Variants in COL4A6 observed in about 807,000 individuals in gnomAD.
The protein encoded by COL4A6 is collagen alpha-6(IV) chain.
COL4A6 carries 59 observed loss-of-function variants against 126.7 expected under a neutral mutation model. That is an observed-to-expected ratio of 0.47 (90% CI 0.38 to 0.58). The LOEUF (loss-of-function observed/expected upper bound fraction) is 0.58. COL4A6 is among the 20% of genes least tolerant of loss of function. COL4A6 has a pLI of 0.00. For missense variants in COL4A6, 1,285 were observed against 1,337.3 expected, an observed-to-expected ratio of 0.96 and a Z score of 0.61; for synonymous variants, 547 against 496.6, an observed-to-expected ratio of 1.10 and a Z score of -1.35.
chrX:108,239,081 C>T (rs2036510660), intron 3 of COL4A6, among the ~76,000 whole-genome samples: 3 of 111,951 alleles, frequency 2.7e-5, no homozygotes, highest in African/African-American at 9.7e-5. Flanking sequence ...ACCAGAGTTC[C>T]TTGGACATTG....
chrX:108,351,985 G>A (rs1020345095), intron 2 of COL4A6, among the ~76,000 whole-genome samples: 4 of 112,169 alleles, frequency 3.6e-5, no homozygotes, highest in African/African-American at 1.3e-4. Context: ...CAAATTGTCT[G>A]GGTAATTGCC....
intron 2 of COL4A6, among the ~76,000 whole-genome samples, chrX:108,339,164 C>T (rs1234138498): frequency 8.9e-6 from 1 of 112,540 alleles, no homozygotes; most frequent in Admixed American, 9.3e-5. Context: ...GGCTACAAAG[C>T]AGCTCAGAAA....
At chrX:108,269,373 T>G (rs1796008402) in intron 3 of COL4A6, among the ~76,000 whole-genome samples, 1 of 111,255 alleles carries the variant, frequency 9.0e-6, no homozygotes, top group Non-Finnish European at 1.9e-5. Context: ...AGAGTGCAAA[T>G]GTACTGAAAA....
At chrX:108,243,315 G>GA (rs5903314) in intron 3 of COL4A6, among the ~76,000 whole-genome samples, 27,502 of 110,173 alleles carry the variant, frequency 0.25, 2,908 homozygotes, top group East Asian at 0.61. Context: ...TCCCCCATGT[G>GA]ACTGTATTGG....
intron 3 of COL4A6, among the ~76,000 whole-genome samples, chrX:108,251,925 C>A (rs1316133178): frequency 9.0e-6 from 1 of 111,419 alleles, no homozygotes; most frequent in African/African-American, 3.3e-5. Flanking sequence ...ATTTAATGAT[C>A]AAATTAGGGT....
intron 3 of COL4A6, among the ~76,000 whole-genome samples, chrX:108,260,733 A>C: frequency 9.1e-6 from 1 of 110,284 alleles, no homozygotes; most frequent in Middle Eastern, 4.8e-3. Context: ...TGTATGAAAA[A>C]TGTTTAATGT....
intron 3 of COL4A6, among the ~76,000 whole-genome samples, chrX:108,224,128 G>A (rs2036096392): frequency 9.0e-6 from 1 of 111,695 alleles, no homozygotes; most frequent in Non-Finnish European, 1.9e-5. Flanking sequence ...GCAAGCACAT[G>A]CTTATCAGCA....
At chrX:108,402,689 C>T (rs1040273867) in intron 2 of COL4A6, among the ~76,000 whole-genome samples, 1 of 110,744 alleles carries the variant, frequency 9.0e-6, no homozygotes, top group Non-Finnish European at 1.9e-5. Context: ...TGTTATCATT[C>T]AATTCTAAAA....
intron 3 of COL4A6, among the ~76,000 whole-genome samples, chrX:108,287,736 C>T (rs1411151268): frequency 9.0e-6 from 1 of 111,649 alleles, no homozygotes; most frequent in East Asian, 2.8e-4. Flanking sequence ...CAAATATCTC[C>T]GGAGTTCTCT....
At chrX:108,328,579 T>C (rs2039220584) in intron 2 of COL4A6, among the ~76,000 whole-genome samples, 2 of 112,168 alleles carry the variant, frequency 1.8e-5, no homozygotes, top group Admixed American at 1.9e-4. Context: ...GATCCAGTTT[T>C]TTCCACAAAT....
Position 108,319,325 on chromosome X carries a change from C to A in COL4A6, c.64-8497G>T, listed in dbSNP as rs758036733. Among the ~76,000 whole-genome samples the A allele has an allele frequency of 3.6e-5, 4 of 111,831 alleles. No homozygotes were observed. In the East Asian group the frequency reaches 1.1e-3, roughly 31 times the overall value. ...TTTGAGGCTGATCGTGCCACTGCAC[C>A]CAGCCTGAGTGACAGAGTGAGACCC... On this transcript the variant is annotated intron_variant, in intron 2 of 44. Coordinates refer to ENST00000334504, the MANE Select transcript of COL4A6 (RefSeq NM_033641.4).
chrX:108,300,724 C>CGCGTGTGTGTGT (rs754446169), intron 3 of COL4A6, among the ~76,000 whole-genome samples: 1 of 92,382 alleles, frequency 1.1e-5, no homozygotes. Flanking sequence ...CAAACATTGG[C>CGCGTGTGTGTGT]GTGTGTGTGT....
chrX:108,296,499 C>T (rs930502589), intron 3 of COL4A6, among the ~76,000 whole-genome samples: 1 of 111,979 alleles, frequency 8.9e-6, no homozygotes, highest in South Asian at 3.8e-4. Context: ...TCTCCTCTCA[C>T]GCCATCTTCA....
At chrX:108,352,066 A>C (rs1569439048) in intron 2 of COL4A6, among the ~76,000 whole-genome samples, 2 of 112,794 alleles carry the variant, frequency 1.8e-5, no homozygotes, top group Non-Finnish European at 3.7e-5. Flanking sequence ...TCTTGGTCAG[A>C]ATACTCTGCC....
intron 2 of COL4A6, among the ~76,000 whole-genome samples, chrX:108,311,740 C>A (rs2038766224): frequency 8.9e-6 from 1 of 111,802 alleles, no homozygotes; most frequent in African/African-American, 3.3e-5. Flanking sequence ...CCAATCATAT[C>A]ATTTCATTAC....
At chrX:108,253,400 G>A (rs1232482881) in intron 3 of COL4A6, among the ~76,000 whole-genome samples, 1 of 111,810 alleles carries the variant, frequency 8.9e-6, no homozygotes, top group East Asian at 2.8e-4. Context: ...GAAATAATCA[G>A]TTTTATAGAT....
chrX:108,378,676 A>G (rs1327469333), intron 2 of COL4A6, among the ~76,000 whole-genome samples: 1 of 112,934 alleles, frequency 8.9e-6, no homozygotes, highest in Non-Finnish European at 1.9e-5. Flanking sequence ...CTATTCATGT[A>G]ATCTTCCACA....
chrX:108,235,738 T>C (rs1438266210), intron 3 of COL4A6, among the ~76,000 whole-genome samples: 1 of 111,626 alleles, frequency 9.0e-6, no homozygotes, highest in Non-Finnish European at 1.9e-5. Flanking sequence ...TTTGTAGCAA[T>C]GAAAACACTT....
chrX:108,388,847 G>A (rs756351016), intron 2 of COL4A6, among the ~76,000 whole-genome samples: 1 of 111,433 alleles, frequency 9.0e-6, no homozygotes, highest in Non-Finnish European at 1.9e-5. Context: ...TCTCTTGTGG[G>A]CATTTAGTGC....
Sources: allele counts gnomAD v4.1 joint callset (sites outside exome capture counted in the v4.1 genomes callset), GRCh38; gene constraint gnomAD v4.1.1; transcripts MANE v1.5; gene names NCBI Gene and HGNC (gene_info 2026-07-23, HGNC 2026-07-21).